SNTB2: variants seen among roughly 807,000 people sequenced by gnomAD.
The protein encoded by SNTB2 is syntrophin beta 2, also known as beta-2-syntrophin.
Under a neutral mutation model 46.2 loss-of-function variants are expected in SNTB2, and 34 were observed. The ratio of observed to expected loss-of-function variants is 0.74; its 90% CI spans 0.56 to 0.98. SNTB2 has a LOEUF of 0.98. Among genes scored for constraint, SNTB2 ranks in the 50% least tolerant of loss-of-function variants. SNTB2 has a pLI of 0.00. For synonymous variants in SNTB2, 290 were observed against 312.6 expected (o/e 0.93, Z 0.76); for missense variants, 603 against 731.4 (o/e 0.82, Z 2.02).
intron 2 of SNTB2, among the ~76,000 whole-genome samples, chr16:69,246,043 A>G (rs1964667595): frequency 6.6e-6 from 1 of 152,196 alleles, no homozygotes; most frequent in African/African-American, 2.4e-5. Flanking sequence ...CTTTACCTCT[A>G]GGGTGTCAAA....
chr16:69,263,499 A>C (rs116892460), intron 3 of SNTB2, among the ~76,000 whole-genome samples: 2,979 of 149,864 alleles, frequency 0.02, 26 homozygotes, highest in Non-Finnish European at 0.026. Context: ...GCTCACTACT[A>C]TCTCCGCCTC....
intron 2 of SNTB2, among the ~76,000 whole-genome samples, chr16:69,249,351 C>CTG (rs1567406875): frequency 6.6e-6 from 1 of 152,042 alleles, no homozygotes; most frequent in Non-Finnish European, 1.5e-5. Context: ...GAATAGGTAC[C>CTG]TGTAGTGCTG....
chr16:69,280,468 G>C (rs1237709259), intron 4 of SNTB2, among the ~76,000 whole-genome samples: 1 of 146,398 alleles, frequency 6.8e-6, no homozygotes, highest in Non-Finnish European at 1.5e-5. Flanking sequence ...CCTCCCGGAC[G>C]GGGCGGCTGG....
At chr16:69,232,394 A>ACGGGGTTT (rs1342841489) in intron 1 of SNTB2, among the ~76,000 whole-genome samples, 1 of 147,178 alleles carries the variant, frequency 6.8e-6, no homozygotes, top group Non-Finnish European at 1.5e-5. Context: ...TTTAGTAGAG[A>ACGGGGTTT]CGGGGTTTCA....
In SNTB2 at chr16:69,251,009, C is replaced by T. The variant is rs541634192; in HGVS notation, c.794+5194C>T. Among the ~76,000 whole-genome samples, 79 of 144,676 alleles carry T rather than the reference C, an allele frequency of 5.5e-4. No homozygotes were observed. The South Asian group carries it at 8.6e-3, about 16-fold the overall frequency. 94.9% of individuals were successfully genotyped at this position (144,676 alleles called of 152,430 possible). A position where few individuals can be genotyped will look rare whatever the true frequency, so the allele number is the denominator to read the frequency against. On this transcript the variant is annotated intron_variant, in intron 2 of 6. Coordinates refer to ENST00000336278, the MANE Select transcript of SNTB2 (RefSeq NM_006750.4). ...TTTTTTTTTTTTTGAGACGGAGTCT[C>T]GCTCTGTCGCCCAGGCTGGAGTGCA...
chr16:69,249,023 CTTTTT>C (rs34530998), intron 2 of SNTB2, among the ~76,000 whole-genome samples: 6 of 125,832 alleles, frequency 4.8e-5, no homozygotes, highest in Admixed American at 8.1e-5. Flanking sequence ...TCATTTCTTT[CTTTTT>C]TTTTTTTTTT....
chr16:69,274,235 C>T (rs1261231632), intron 4 of SNTB2, among the ~76,000 whole-genome samples: 1 of 151,368 alleles, frequency 6.6e-6, no homozygotes, highest in Non-Finnish European at 1.5e-5. Flanking sequence ...TCGATTGAAC[C>T]CCAGAGGCGG....
intron 4 of SNTB2, among the ~76,000 whole-genome samples, chr16:69,283,056 A>G (rs1965065288): frequency 1.3e-5 from 2 of 152,000 alleles, no homozygotes. Flanking sequence ...GCAACCTTCT[A>G]CCTCAGCCTC....
chr16:69,254,228 T>C (rs538410612), intron 2 of SNTB2, among the ~76,000 whole-genome samples: 2 of 152,256 alleles, frequency 1.3e-5, no homozygotes, highest in Admixed American at 1.3e-4. Context: ...GGCCACTGGA[T>C]GTGGAGAATG....
chr16:69,281,485 G>GTTTTTT (rs575825315), intron 4 of SNTB2, among the ~76,000 whole-genome samples: 1 of 135,822 alleles, frequency 7.4e-6, no homozygotes, highest in African/African-American at 2.7e-5. Flanking sequence ...GTAAGGTCTG[G>GTTTTTT]TTTTTTTTTT....
intron 2 of SNTB2, among the ~76,000 whole-genome samples, chr16:69,250,403 A>G (rs944355721): frequency 6.6e-6 from 1 of 152,224 alleles, no homozygotes; most frequent in Non-Finnish European, 1.5e-5. Flanking sequence ...GTTTTCCACA[A>G]GCCTTGCATT....
chr16:69,284,677 G>A (rs1389440065), intron 5 of SNTB2, among the ~76,000 whole-genome samples: 1 of 152,086 alleles, frequency 6.6e-6, no homozygotes, highest in Non-Finnish European at 1.5e-5. Flanking sequence ...GGGAGGCTGA[G>A]GCAGGAGAAT....
intron 4 of SNTB2, among the ~76,000 whole-genome samples, chr16:69,271,145 C>T (rs1374536415): frequency 6.6e-6 from 1 of 152,130 alleles, no homozygotes; most frequent in East Asian, 1.9e-4. Context: ...TAACTTGCCA[C>T]ATATATTATT....
intron 1 of SNTB2, among the ~76,000 whole-genome samples, chr16:69,214,131 T>TA (rs1325557203): frequency 6.7e-6 from 1 of 149,906 alleles, no homozygotes; most frequent in Admixed American, 6.7e-5. Context: ...CCTTTTATTT[T>TA]TTTTTTTTTT....
At chr16:69,238,507 A>C (rs993531829) in intron 1 of SNTB2, among the ~76,000 whole-genome samples, 1 of 152,148 alleles carries the variant, frequency 6.6e-6, no homozygotes, top group Non-Finnish European at 1.5e-5. Context: ...ATCCAGTTTC[A>C]TGGCATTAAA....
At chr16:69,206,333 A>G (rs1964218766) in intron 1 of SNTB2, among the ~76,000 whole-genome samples, 1 of 151,972 alleles carries the variant, frequency 6.6e-6, no homozygotes, top group Non-Finnish European at 1.5e-5. Context: ...TTTAGCGATC[A>G]TTATTACTCT....
rs766619453 is a variant in SNTB2, at chr16:69,260,040, T to C, written c.795-10T>C. On this transcript the variant is annotated splice_polypyrimidine_tract_variant and intron_variant, in intron 2 of 6. Coordinates refer to ENST00000336278, the MANE Select transcript of SNTB2 (RefSeq NM_006750.4). ...CTAGCTCACTTTTTTTTTTTTCTTT[T>C]TCCACACAGATTGATAGAGCTACAT... 1.2e-6 allele frequency: 2 copies of C among 1,612,394 alleles called. No individual in the cohort carries two copies. The highest frequency in any genetic ancestry group is 3.3e-5 in the Admixed American group (2 of 60,010).
chr16:69,235,152 C>T (rs963769602), intron 1 of SNTB2, among the ~76,000 whole-genome samples: 1 of 151,896 alleles, frequency 6.6e-6, no homozygotes, highest in Non-Finnish European at 1.5e-5. Context: ...GCTGGGATTA[C>T]AGGCGCACGC....
At chr16:69,249,306 A>G (rs549923685) in intron 2 of SNTB2, among the ~76,000 whole-genome samples, 40 of 152,232 alleles carry the variant, frequency 2.6e-4, no homozygotes, top group African/African-American at 9.4e-4. Flanking sequence ...GGTTACAGGC[A>G]TGAGCCACCG....
Sources: allele counts gnomAD v4.1 joint callset (sites outside exome capture counted in the v4.1 genomes callset), GRCh38; gene constraint gnomAD v4.1.1; transcripts MANE v1.5; gene names NCBI Gene and HGNC (gene_info 2026-07-23, HGNC 2026-07-21).